ERC1: variants seen among roughly 807,000 people sequenced by gnomAD.
The protein encoded by ERC1 is ELKS/RAB6-interacting/CAST family member 1.
ERC1 carries 56 observed loss-of-function variants against 132.0 expected under a neutral mutation model. That is an observed-to-expected ratio of 0.42 (90% CI 0.34 to 0.53). The LOEUF (loss-of-function observed/expected upper bound fraction) is 0.53. Among genes scored for constraint, ERC1 ranks in the 20% least tolerant of loss-of-function variants. The probability of loss-of-function intolerance (pLI) is 0.03; values close to 1 mark genes in which losing one functional copy is unlikely to be tolerated. For missense variants in ERC1, 1,202 were observed against 1,349.9 expected, an observed-to-expected ratio of 0.89 and a Z score of 1.72; for synonymous variants, 478 against 476.1, an observed-to-expected ratio of 1.00 and a Z score of -0.05.
intron 13 of ERC1, among the ~76,000 whole-genome samples, chr12:1,255,277 A>T (rs2076721588): frequency 1.3e-5 from 2 of 152,234 alleles, no homozygotes; most frequent in South Asian, 4.1e-4. Flanking sequence ...ACATGAGCTT[A>T]TCCTTCTTTA....
Position 1,065,809 on chromosome 12 carries a change from G to A in ERC1, c.670-17355G>A, listed in dbSNP as rs80171416. On this transcript the variant is annotated intron_variant, in intron 2 of 18. Transcript: ENST00000360905. ...ATTGGCTGGATAACGTGCTTTGGCC[G>A]TACAATAGAGTAGTATTCAGCCATG... Among the ~76,000 whole-genome samples, 806 of 152,124 alleles carry A rather than the reference G, an allele frequency of 5.3e-3. 1 individual carries two copies. Among genetic ancestry groups the A allele is most frequent in the African/African-American group, 0.017 (705 of 41,486 alleles).
At chr12:1,214,651 C>A (rs536176140) in intron 12 of ERC1, among the ~76,000 whole-genome samples, 2 of 133,552 alleles carry the variant, frequency 1.5e-5, no homozygotes, top group African/African-American at 3.2e-5. Flanking sequence ...CATAAATATG[C>A]GTGTGTGTAT....
chr12:1,333,241 G>A (rs536730050), intron 15 of ERC1, among the ~76,000 whole-genome samples: 1 of 151,802 alleles, frequency 6.6e-6, no homozygotes, highest in African/African-American at 2.4e-5. Context: ...TAAGGGTAGT[G>A]GTCTCCAGCT....
intron 16 of ERC1, among the ~76,000 whole-genome samples, chr12:1,394,260 CGTG>C (rs964530048): frequency 3.5e-5 from 5 of 144,744 alleles, no homozygotes; most frequent in African/African-American, 1.3e-4. Context: ...ATTAGCCAGG[CGTG>C]GTGGCGGGCT....
Position 1,427,626 on chromosome 12 carries a change from A to G in ERC1, c.3025-16936A>G, listed in dbSNP as rs962412319. 2.0e-5 allele frequency among the ~76,000 whole-genome samples: 3 copies of G among 152,126 alleles called. No individual in the cohort carries two copies. The East Asian group carries it at 5.8e-4, about 29-fold the overall frequency. ...TGAGGGCCTTTTAACTTGGTGATAA[A>G]GAGTGTCTTTGCCCTAAGACCTAAT... On this transcript the variant is annotated intron_variant, in intron 17 of 18. Coordinates refer to ENST00000360905, the MANE Select transcript of ERC1 (RefSeq NM_178040.4).
At chr12:1,188,533 T>G (rs757873767) in intron 11 of ERC1, among the ~76,000 whole-genome samples, 12 of 152,208 alleles carry the variant, frequency 7.9e-5, no homozygotes, top group Non-Finnish European at 1.6e-4. Flanking sequence ...CCTTCCAAAC[T>G]TATATGATTT....
intron 17 of ERC1, among the ~76,000 whole-genome samples, chr12:1,436,876 T>C (rs906836578): frequency 1.3e-5 from 2 of 152,056 alleles, no homozygotes; most frequent in African/African-American, 4.8e-5. Flanking sequence ...CTCTTTTGCC[T>C]CATGTTTCTT....
At chr12:1,051,529 CAAAAAAAA>C (rs35353366) in intron 2 of ERC1, among the ~76,000 whole-genome samples, 5 of 127,704 alleles carry the variant, frequency 3.9e-5, no homozygotes, top group African/African-American at 6.6e-5. Context: ...GTCTCTACCC[CAAAAAAAA>C]AAAAAAAAAA....
At chr12:1,385,282 CT>C (rs1018096578) in intron 16 of ERC1, among the ~76,000 whole-genome samples, 8 of 150,468 alleles carry the variant, frequency 5.3e-5, no homozygotes, top group East Asian at 1.9e-4. Context: ...ACCTTCCTAT[CT>C]TTTTTTTTTC....
At chr12:1,334,187 T>C (rs1428272550) in intron 15 of ERC1, among the ~76,000 whole-genome samples, 2 of 152,176 alleles carry the variant, frequency 1.3e-5, no homozygotes, top group African/African-American at 4.8e-5. Flanking sequence ...ATTCTGTAGG[T>C]TGTATACTGT....
chr12:1,025,308 C>G (rs115101825), intron 1 of ERC1, among the ~76,000 whole-genome samples: 5,248 of 152,250 alleles, frequency 0.034, 95 homozygotes, highest in Middle Eastern at 0.061. Context: ...TTCCTTCCCT[C>G]TAATTATCGC....
At chr12:1,375,891 C>T (rs150003277) in intron 16 of ERC1, among the ~76,000 whole-genome samples, 3,390 of 152,052 alleles carry the variant, frequency 0.022, 115 homozygotes, top group African/African-American at 0.076. Flanking sequence ...TGCCCGCCAC[C>T]GCGCCCGGCT....
intron 15 of ERC1, among the ~76,000 whole-genome samples, chr12:1,337,737 A>G (rs546976626): frequency 1.5e-4 from 23 of 152,198 alleles, no homozygotes; most frequent in Admixed American, 9.8e-4. Flanking sequence ...CAGGTTTGAT[A>G]GTAATGAATT....
At chr12:1,485,446 G>A (rs1051646594) in intron 18 of ERC1, among the ~76,000 whole-genome samples, 11 of 151,754 alleles carry the variant, frequency 7.2e-5, no homozygotes, top group African/African-American at 2.7e-4. Flanking sequence ...CTTGTGATCT[G>A]CCCACCTTGG....
At chr12:1,035,593 C>G (rs1020201630) in intron 2 of ERC1, among the ~76,000 whole-genome samples, 5 of 152,112 alleles carry the variant, frequency 3.3e-5, no homozygotes, top group African/African-American at 9.7e-5. Flanking sequence ...GAATGAAAAT[C>G]TAGCTGTGAG....
intron 12 of ERC1, among the ~76,000 whole-genome samples, chr12:1,197,879 AAGG>A (rs1956482921): frequency 6.6e-6 from 1 of 152,094 alleles, no homozygotes; most frequent in Admixed American, 6.6e-5. Context: ...ATCAGAAAGA[AAGG>A]ACTTGTTGAA....
chr12:1,065,486 G>T (rs1222328981), intron 2 of ERC1, among the ~76,000 whole-genome samples: 8 of 95,064 alleles, frequency 8.4e-5, no homozygotes, highest in Non-Finnish European at 1.9e-4. Context: ...CCGTTTGTGT[G>T]TGTGTGTGTG....
At chr12:1,414,280 G>C (rs954007391) in intron 17 of ERC1, among the ~76,000 whole-genome samples, 52 of 152,204 alleles carry the variant, frequency 3.4e-4, no homozygotes, top group African/African-American at 1.2e-3. Context: ...TCCCAGCGTG[G>C]TCAGATGTTT....
chr12:1,040,309 CT>C (rs998898176), intron 2 of ERC1, among the ~76,000 whole-genome samples: 13 of 149,104 alleles, frequency 8.7e-5, no homozygotes, highest in Middle Eastern at 3.3e-3. Context: ...TTTTCTTTTT[CT>C]TTTTTTCTTT....
Sources: gnomAD v4.1 joint callset for allele counts (sites outside exome capture counted in the v4.1 genomes callset) on GRCh38, gnomAD v4.1.1 for gene constraint, MANE v1.5 for transcripts, NCBI Gene and HGNC (gene_info 2026-07-23, HGNC 2026-07-21) for gene names.